Variants in PDE4B observed in about 807,000 individuals in gnomAD.
PDE4B encodes the protein 3',5'-cyclic-AMP phosphodiesterase 4B.
PDE4B carries 20 observed loss-of-function variants against 82.2 expected under a neutral mutation model. The ratio of observed to expected loss-of-function variants is 0.24; its 90% confidence interval spans 0.17 to 0.35. The LOEUF (loss-of-function observed/expected upper bound fraction) is 0.35, where lower values mean the gene tolerates loss of function less well. Ranked by LOEUF, PDE4B falls within the 10% of genes least tolerant of loss-of-function variation. The pLI, the probability that PDE4B is intolerant of heterozygous loss-of-function variation, is 1.00. For missense variants in PDE4B, 655 were observed against 907.2 expected (o/e 0.72, Z 3.57); for synonymous variants, 320 against 318.9 (o/e 1.00, Z -0.04).
rs182059572 is a variant in PDE4B at position 65,932,361 on chromosome 1, A to G, written c.281+13526A>G. Among the ~76,000 whole-genome samples, 302 of 152,198 alleles carry G rather than the reference A, an allele frequency of 2.0e-3. 2 individuals are homozygous for G. The highest frequency in any genetic ancestry group is 4.7e-3 in the Admixed American group (72 of 15,296). ...GAGGAATGGCCCCAATATCACTTCT[A>G]TTGGAACACTGATTGTACCTAGCAT... On this transcript the variant is annotated intron_variant, in intron 3 of 16. Transcript: ENST00000341517.
At chr1:66,328,249 A>C (rs1659870819) in intron 7 of PDE4B, among the ~76,000 whole-genome samples, 1 of 152,256 alleles carries the variant, frequency 6.6e-6, no homozygotes, top group Non-Finnish European at 1.5e-5. Context: ...GGAGTGAAAG[A>C]GGGAAAGAAG....
At chr1:65,823,397 A>T (rs929732698) in intron 1 of PDE4B, among the ~76,000 whole-genome samples, 5 of 86,930 alleles carry the variant, frequency 5.8e-5, no homozygotes, top group African/African-American at 1.3e-4. Flanking sequence ...CTCCATCTCT[A>T]AAAAAAAAAA....
intron 3 of PDE4B, among the ~76,000 whole-genome samples, chr1:66,173,032 C>T (rs1284325912): frequency 2.0e-5 from 3 of 152,116 alleles, no homozygotes; most frequent in Admixed American, 2.0e-4. Context: ...CATGTTAAAA[C>T]AATTATTGGT....
intron 4 of PDE4B, among the ~76,000 whole-genome samples, chr1:66,249,568 C>CA (rs1653590373): frequency 6.6e-6 from 1 of 151,960 alleles, no homozygotes; most frequent in African/African-American, 2.4e-5. Flanking sequence ...CTACGGCAGT[C>CA]AAAAAAGAGG....
chr1:65,961,078 G>A (rs1367394652), intron 3 of PDE4B, among the ~76,000 whole-genome samples: 6 of 152,142 alleles, frequency 3.9e-5, no homozygotes, highest in African/African-American at 1.4e-4. Context: ...TTTGCCCGTG[G>A]AGCTTGTATT....
In PDE4B at chr1:66,097,776, T is replaced by C. The variant is rs547776031; in HGVS notation, c.282-149684T>C. ...CTGTTATTTTTAGTCTTTTAATTTG[T>C]TTATTTCTCTATTGTTTATTGTCCT... On this transcript the variant is annotated intron_variant, in intron 3 of 16. Transcript: ENST00000341517. 3.0e-4 allele frequency among the ~76,000 whole-genome samples: 45 copies of C among 151,806 alleles called. 2 individuals carry two copies. In the South Asian group the frequency reaches 8.9e-3, roughly 30 times the overall value.
chr1:66,070,157 T>C (rs2100924759), intron 3 of PDE4B, among the ~76,000 whole-genome samples: 1 of 152,174 alleles, frequency 6.6e-6, no homozygotes, highest in Non-Finnish European at 1.5e-5. Context: ...CACCACCTTC[T>C]CATAATCATA....
intron 3 of PDE4B, among the ~76,000 whole-genome samples, chr1:66,002,619 G>A (rs1569939807): frequency 6.6e-6 from 1 of 151,982 alleles, no homozygotes; most frequent in East Asian, 1.9e-4. Flanking sequence ...CCTTAATGTA[G>A]TATACTGTAG....
chr1:66,291,358 T>C (rs1038565222), intron 7 of PDE4B, among the ~76,000 whole-genome samples: 7 of 152,176 alleles, frequency 4.6e-5, no homozygotes, highest in Non-Finnish European at 7.4e-5. Flanking sequence ...TAGGCTCTTT[T>C]AACAAGTACA....
At chr1:65,926,457 A>G (rs1255575062) in intron 3 of PDE4B, among the ~76,000 whole-genome samples, 1 of 152,006 alleles carries the variant, frequency 6.6e-6, no homozygotes, top group Non-Finnish European at 1.5e-5. Flanking sequence ...ATAATTCTTA[A>G]GTTTGTGCTC....
At chr1:65,799,155 T>G (rs544316114) in intron 1 of PDE4B, among the ~76,000 whole-genome samples, 6 of 152,330 alleles carry the variant, frequency 3.9e-5, no homozygotes, top group African/African-American at 1.2e-4. Flanking sequence ...TTTTCAGAAC[T>G]GAAAGTGATC....
chr1:66,193,245 T>G (rs2101486505), intron 3 of PDE4B, among the ~76,000 whole-genome samples: 1 of 152,330 alleles, frequency 6.6e-6, no homozygotes, highest in South Asian at 2.1e-4. Context: ...GCCTTTGGTT[T>G]GAGTCTTTGA....
At chr1:65,918,986 A>G in intron 3 of PDE4B, 151 bp downstream of exon 3, 2 of 617,644 alleles carry the variant, frequency 3.2e-6, no homozygotes, top group Non-Finnish European at 5.8e-6. Flanking sequence ...ATCAAAGATA[A>G]GGTCTTGTAA....
chr1:66,218,398 CTCTT>C (rs1185327957), intron 3 of PDE4B, among the ~76,000 whole-genome samples: 1 of 152,108 alleles, frequency 6.6e-6, no homozygotes, highest in African/African-American at 2.4e-5. Context: ...GTTACACAAT[CTCTT>C]TCTAAACTGT....
chr1:66,081,721 A>G (rs1227235670), intron 3 of PDE4B, among the ~76,000 whole-genome samples: 1 of 152,018 alleles, frequency 6.6e-6, no homozygotes, highest in Non-Finnish European at 1.5e-5. Context: ...TCAGTGTTGT[A>G]ACAGTTTGCT....
chr1:65,976,452 T>A (rs929374412), intron 3 of PDE4B, among the ~76,000 whole-genome samples: 1 of 152,324 alleles, frequency 6.6e-6, no homozygotes, highest in East Asian at 1.9e-4. Flanking sequence ...GGACTTGGAC[T>A]TTTGAGTTAA....
chr1:66,358,385 T>C (rs1045487015), intron 9 of PDE4B, among the ~76,000 whole-genome samples: 5 of 152,156 alleles, frequency 3.3e-5, no homozygotes, highest in Admixed American at 1.3e-4. Context: ...ATAAAATGTT[T>C]ATTAACAGGC....
chr1:65,890,135 T>A (rs937717196), intron 1 of PDE4B, among the ~76,000 whole-genome samples: 5 of 131,132 alleles, frequency 3.8e-5, no homozygotes, highest in East Asian at 4.1e-4. Context: ...GCTTGACAAA[T>A]TTTTTTTTTT....
Position 66,361,598 on chromosome 1 carries a change from T to G in PDE4B, c.842-17T>G, listed in dbSNP as rs1207832367. The G allele has an allele frequency of 6.2e-7, 1 of 1,604,000 alleles. No individual in the cohort carries two copies. The highest frequency in any genetic ancestry group is 2.2e-5 in the East Asian group (1 of 44,800). On this transcript the variant is annotated splice_polypyrimidine_tract_variant and intron_variant, in intron 9 of 16. Coordinates refer to ENST00000341517, the MANE Select transcript of PDE4B (RefSeq NM_002600.4). ...TAGACACATGTGCTGAAAAACATAT[T>G]CCTTTGTCTGTTGCAGACAAGCAGA...
Sources: allele counts gnomAD v4.1 joint callset (sites outside exome capture counted in the v4.1 genomes callset), GRCh38; gene constraint gnomAD v4.1.1; transcripts MANE v1.5; gene names NCBI Gene and HGNC (gene_info 2026-07-23, HGNC 2026-07-21).